Variants in SECISBP2L observed in about 807,000 individuals in gnomAD.
SECISBP2L encodes the protein SECIS binding protein 2 like.
In SECISBP2L, 43 loss-of-function variants were observed where a neutral mutation model predicts 114.7. The ratio of observed to expected loss-of-function variants is 0.38; its 90% CI spans 0.29 to 0.48. The LOEUF (loss-of-function observed/expected upper bound fraction) is 0.48. Among genes scored for constraint, SECISBP2L ranks in the 20% least tolerant of loss-of-function variants. The pLI is 0.98. For synonymous variants in SECISBP2L, 451 were observed against 439.7 expected, an observed-to-expected ratio of 1.03 and a Z score of -0.32; for missense variants, 1,136 against 1,301.1, an observed-to-expected ratio of 0.87 and a Z score of 1.95.
intron 4 of SECISBP2L, among the ~76,000 whole-genome samples, chr15:49,029,959 T>G (rs1170271583): frequency 6.6e-6 from 1 of 151,484 alleles, no homozygotes; most frequent in Non-Finnish European, 1.5e-5. Flanking sequence ...TTTATTAATA[T>G]TACTTTTGAA....
intron 1 of SECISBP2L, among the ~76,000 whole-genome samples, chr15:49,043,979 T>G (rs1274292060): frequency 6.6e-6 from 1 of 152,006 alleles, no homozygotes; most frequent in Non-Finnish European, 1.5e-5. Context: ...TTTTTTAAAG[T>G]TACACTTGTA....
rs1467229716 is a variant in SECISBP2L at position 48,988,814 on chromosome 15, T to C, written c.*3430A>G. 4.5e-6 allele frequency: 1 copy of C among 222,708 alleles called. No homozygotes were observed. Among genetic ancestry groups the C allele is most frequent in the Non-Finnish European group, 9.3e-6 (1 of 107,542 alleles). 13.8% of individuals were successfully genotyped at this position (222,708 alleles called of 1,614,324 possible). On this transcript the variant is annotated 3_prime_UTR_variant, in exon 18 of 18. Transcript: ENST00000559471. ...ATTTTGCTAGTTTTTTATTAGAGCA[T>C]TACAATTAAGACATTAAATTATAAA... is the stretch of plus-strand genomic sequence containing the variant.
Position 48,999,866 on chromosome 15 carries a change from G to C in SECISBP2L, c.2370C>G (p.Ser790Arg), listed in dbSNP as rs776017931. The C allele has an allele frequency of 6.2e-7, 1 of 1,613,808 alleles. No individual in the cohort carries two copies. The highest frequency in any genetic ancestry group is 8.5e-7 in the Non-Finnish European group (1 of 1,179,846). ...GRCVNKLVPV[S>R]VVGIFNYFGA... Reference sequence around the variant, plus strand: ...CAAAGTAGTTGAAGATTCCCACTACGCTAACAGGAACCAGCTTGTTCACAC... The same window carrying C: ...CAAAGTAGTTGAAGATTCCCACTACCCTAACAGGAACCAGCTTGTTCACAC... The change falls in exon 16 of 18, where the codon AGC becomes AGG. Residue 790 changes from serine to arginine, a missense_variant. This residue lies in a region of SECISBP2L where 684 missense variants were observed against 848.7 expected (regional missense o/e 0.81). Coordinates refer to ENST00000559471, the MANE Select transcript of SECISBP2L (RefSeq NM_001193489.2).
At position 48,988,719 on chromosome 15, in the gene SECISBP2L, C is replaced by G. The variant is rs928676966; in HGVS notation, c.*3525G>C. The G allele has an allele frequency of 4.9e-6, 2 of 407,110 alleles. No homozygotes were observed. The highest frequency in any genetic ancestry group is 3.6e-5 in the South Asian group (2 of 55,888). The allele number at this position is 407,110 out of a possible 1,614,324, so 25.2% of individuals were successfully genotyped here. On this transcript the variant is annotated 3_prime_UTR_variant, in exon 18 of 18. Transcript: ENST00000559471. The stretch of plus-strand genomic sequence containing the variant: ...GTGCAAAAAAGCTGTTATTACCCCC[C>G]AAATGTGATATAACAATTATCCTTC...
At chr15:49,045,450 C>T (rs946919837) in intron 1 of SECISBP2L, among the ~76,000 whole-genome samples, 2 of 152,172 alleles carry the variant, frequency 1.3e-5, no homozygotes, top group Non-Finnish European at 2.9e-5. Context: ...TAAACTTGGA[C>T]TTCAAATTAA....
chr15:49,026,182 A>G (rs1003562826), intron 7 of SECISBP2L, among the ~76,000 whole-genome samples: 9 of 152,202 alleles, frequency 5.9e-5, no homozygotes, highest in African/African-American at 2.2e-4. Context: ...AGTTGATCTT[A>G]CAAGTAGAGA....
At chr15:49,032,586 T>G (rs1203117618) in intron 4 of SECISBP2L, among the ~76,000 whole-genome samples, 1 of 152,194 alleles carries the variant, frequency 6.6e-6, no homozygotes, top group African/African-American at 2.4e-5. Flanking sequence ...TACAAAGATA[T>G]ATAGGATATT....
At chr15:48,998,374 A>T (rs1238686081) in intron 16 of SECISBP2L, among the ~76,000 whole-genome samples, 1 of 152,208 alleles carries the variant, frequency 6.6e-6, no homozygotes, top group African/African-American at 2.4e-5. Flanking sequence ...TATTATTTTT[A>T]AAAAGGAAGG....
Position 48,999,856 on chromosome 15 carries a change from T to C in SECISBP2L, c.2380A>G (p.Ile794Val). Residue 794 changes from isoleucine to valine, a missense_variant, in exon 16 of 18, where the codon ATC (isoleucine) becomes GTC (valine). This residue lies in a region of SECISBP2L where 684 missense variants were observed against 848.7 expected (regional missense o/e 0.81). Coordinates refer to ENST00000559471, the MANE Select transcript of SECISBP2L (RefSeq NM_001193489.2). The stretch of plus-strand genomic sequence containing the variant: ...ACCTCAGCACCAAAGTAGTTGAAGA[T>C]TCCCACTACGCTAACAGGAACCAGC... ...NKLVPVSVVG[I>V]FNYFGAESLF... 6.2e-7 allele frequency: 1 copy of C among 1,613,846 alleles called. No individual in the cohort carries two copies. Among genetic ancestry groups the C allele is most frequent in the Non-Finnish European group, 8.5e-7 (1 of 1,179,816 alleles).
chr15:49,037,541 A>G (rs149088983), intron 2 of SECISBP2L, 50 bp downstream of exon 2: 1 of 1,544,260 alleles, frequency 6.5e-7, no homozygotes, highest in East Asian at 2.3e-5. Context: ...GCACTTTGCC[A>G]GCTTTTATAG....
intron 8 of SECISBP2L, 53 bp downstream of exon 8, chr15:49,019,365 C>G: frequency 7.8e-7 from 1 of 1,282,672 alleles, no homozygotes; most frequent in Non-Finnish European, 9.9e-7. Flanking sequence ...AAATTAATTT[C>G]TTAATGGGAA....
Position 48,992,341 on chromosome 15 carries a change from G to A in SECISBP2L, c.3209C>T (p.Ala1070Val). ...CTGCCCAGGACTGGCCTGCTGGTCA[G>A]CAGTCCATGCCTCACTGTCCATCCC... ...EPGMDSEAWT[A>V]DQQASPGQQK... Residue 1070 changes from alanine to valine, a missense_variant, in exon 18 of 18, where the codon GCT (alanine) becomes GTT (valine). Around this residue, in one of 2 missense-constraint regions of SECISBP2L, gnomAD observed 684 missense variants for 848.7 expected, o/e 0.81. Transcript: ENST00000559471. The A allele has an allele frequency of 6.2e-7, 1 of 1,614,174 alleles. No homozygotes were observed. The highest frequency in any genetic ancestry group is 8.5e-7 in the Non-Finnish European group (1 of 1,180,032).
At chr15:49,046,231 C>T in intron 1 of SECISBP2L, 45 bp downstream of exon 1, 6 of 1,566,616 alleles carry the variant, frequency 3.8e-6, no homozygotes, top group Non-Finnish European at 3.5e-6. Context: ...GAGGAAGCGG[C>T]GACCCCAACC....
At chr15:48,996,748 T>C (rs2141059639) in intron 16 of SECISBP2L, among the ~76,000 whole-genome samples, 162 bp from the exon 17 acceptor site, 1 of 152,390 alleles carries the variant, frequency 6.6e-6, no homozygotes, top group Non-Finnish European at 1.5e-5. Context: ...AATTACTCTG[T>C]AACTTACATT....
At chr15:49,016,722 A>C in intron 10 of SECISBP2L, 21 bp from the exon 11 acceptor site, 1 of 1,524,730 alleles carries the variant, frequency 6.6e-7, no homozygotes, top group Non-Finnish European at 8.8e-7. Flanking sequence ...AATATAAAAA[A>C]TTAATTTTTT....
chr15:49,000,853 A>G (rs1455207824), intron 15 of SECISBP2L, 24 bp downstream of exon 15: 2 of 1,589,818 alleles, frequency 1.3e-6, no homozygotes, highest in Non-Finnish European at 8.6e-7. Flanking sequence ...CTATCAAAAC[A>G]CTTCAAAAGC....
intron 7 of SECISBP2L, among the ~76,000 whole-genome samples, chr15:49,021,796 T>C (rs1471388887): frequency 6.6e-6 from 1 of 152,108 alleles, no homozygotes; most frequent in African/African-American, 2.4e-5. Context: ...CCCAACAAAG[T>C]TCATGTGAGC....
intron 11 of SECISBP2L, among the ~76,000 whole-genome samples, chr15:49,014,321 C>A (rs946688799): frequency 2.6e-5 from 4 of 152,112 alleles, no homozygotes; most frequent in Non-Finnish European, 5.9e-5. Flanking sequence ...TAAATGTGAG[C>A]ATTCCACAAG....
At chr15:49,014,810 G>A (rs8042317) in intron 11 of SECISBP2L, among the ~76,000 whole-genome samples, 33,849 of 134,978 alleles carry the variant, frequency 0.25, 5,216 homozygotes, top group African/African-American at 0.45. Context: ...CTAAATGTTT[G>A]TTTATGTATA....
Sources: gnomAD v4.1 joint callset for allele counts (sites outside exome capture counted in the v4.1 genomes callset) on GRCh38, gnomAD v4.1.1 for gene constraint, gnomAD v4.1.1 regional missense constraint, MANE v1.5 for transcripts, NCBI Gene and HGNC (gene_info 2026-07-23, HGNC 2026-07-21) for gene names.